TMEM117: variants seen among roughly 807,000 people sequenced by gnomAD.
TMEM117 encodes the protein transmembrane protein 117.
In TMEM117, 27 loss-of-function variants were observed where a neutral mutation model predicts 52.4. That is an observed-to-expected ratio of 0.51 (90% CI 0.38 to 0.71). The LOEUF (loss-of-function observed/expected upper bound fraction) is 0.71. Ranked by LOEUF, TMEM117 falls within the 30% of genes least tolerant of loss-of-function variation. The pLI, the probability that TMEM117 is intolerant of heterozygous loss-of-function variation, is 0.00. For synonymous variants in TMEM117, 215 were observed against 206.3 expected (o/e 1.04, Z -0.36); for missense variants, 556 against 630.5 (o/e 0.88, Z 1.26).
chr12:44,232,043 C>A (rs550791574), intron 5 of TMEM117, among the ~76,000 whole-genome samples: 4 of 151,674 alleles, frequency 2.6e-5, no homozygotes, highest in Admixed American at 6.6e-5. Flanking sequence ...ATGGTTGTTG[C>A]TTAACCTATA....
intron 2 of TMEM117, among the ~76,000 whole-genome samples, chr12:43,878,110 G>T (rs1219585744): frequency 1.3e-5 from 2 of 151,854 alleles, no homozygotes; most frequent in Non-Finnish European, 2.9e-5. Flanking sequence ...GGAAGACAAA[G>T]AAAAAATCAG....
chr12:44,295,554 G>A (rs1282704015), intron 5 of TMEM117, among the ~76,000 whole-genome samples: 1 of 151,744 alleles, frequency 6.6e-6, no homozygotes. Flanking sequence ...CCTCTAACTG[G>A]CTAATTTCAT....
chr12:44,008,516 C>G, intron 3 of TMEM117: 1 of 167,140 alleles, frequency 6.0e-6, no homozygotes. Context: ...AGCGTAAGAT[C>G]TATCCCTCCC....
At chr12:44,353,123 G>A (rs1296899633) in intron 6 of TMEM117, among the ~76,000 whole-genome samples, 3 of 152,052 alleles carry the variant, frequency 2.0e-5, no homozygotes, top group East Asian at 3.9e-4. Flanking sequence ...CATATCCTTT[G>A]CCCACTTTTT....
chr12:44,099,545 C>T (rs1386598258), intron 3 of TMEM117, among the ~76,000 whole-genome samples: 1 of 151,862 alleles, frequency 6.6e-6, no homozygotes, highest in African/African-American at 2.4e-5. Flanking sequence ...GTTTTTCAAA[C>T]TTTTGGTTTA....
Position 44,388,911 on chromosome 12 carries a change from A to G in TMEM117, c.*239A>G, listed in dbSNP as rs979089707. 4.0e-6 allele frequency: 2 copies of G among 496,218 alleles called. No homozygotes were observed. Among genetic ancestry groups the G allele is most frequent in the African/African-American group, 1.9e-5 (1 of 51,970 alleles). The allele number at this position is 496,218 out of a possible 1,614,324, so 30.7% of individuals were successfully genotyped here. ...ATTGCTTTTCACAATTGCACAAGCTATTACTGACTTTACAGCATAGTGGAA... is the reference window on the plus strand; with the variant it reads ...ATTGCTTTTCACAATTGCACAAGCTGTTACTGACTTTACAGCATAGTGGAA... On this transcript the variant is annotated 3_prime_UTR_variant, in exon 8 of 8. Transcript: ENST00000266534.
the TMEM117 span, among the ~76,000 whole-genome samples, chr12:43,798,978 T>A: frequency 5.4e-3 from 822 of 152,178 alleles, 9 homozygotes; most frequent in African/African-American, 0.018. Context: ...ATATCTCTAT[T>A]CAAGTAGAGT....
At chr12:44,002,750 C>T (rs1348574643) in intron 3 of TMEM117, among the ~76,000 whole-genome samples, 2 of 152,180 alleles carry the variant, frequency 1.3e-5, no homozygotes, top group Non-Finnish European at 2.9e-5. Flanking sequence ...CTTCTTCCTT[C>T]TCTACCAGTG....
At chr12:44,037,293 T>A (rs1198682274) in intron 3 of TMEM117, among the ~76,000 whole-genome samples, 1 of 152,164 alleles carries the variant, frequency 6.6e-6, no homozygotes, top group Non-Finnish European at 1.5e-5. Context: ...CTTGACGGCC[T>A]GGGAAGCCCC....
At chr12:44,026,749 C>G (rs1409931667) in intron 3 of TMEM117, among the ~76,000 whole-genome samples, 1 of 152,022 alleles carries the variant, frequency 6.6e-6, no homozygotes, top group African/African-American at 2.4e-5. Context: ...AATGATAGTA[C>G]AAAAACTTTC....
chr12:44,044,097 C>T (rs112279758), intron 3 of TMEM117, among the ~76,000 whole-genome samples: 1 of 152,314 alleles, frequency 6.6e-6, no homozygotes, highest in South Asian at 2.1e-4. Context: ...TCACTTTAAA[C>T]GTACTCATCC....
chr12:43,944,317 A>G lies in TMEM117; in HGVS notation c.385A>G (p.Ile129Val), dbSNP rs202229361. 120 of 1,612,388 alleles carry G rather than the reference A, an allele frequency of 7.4e-5. 3 individuals are homozygous for G. The South Asian group carries it at 1.2e-3, about 16-fold the overall frequency. The change falls in exon 3 of 8, where the codon ATT (isoleucine) becomes GTT (valine). Residue 129 changes from isoleucine (I) to valine (V), a missense_variant. This residue lies in a region of TMEM117 where 328 missense variants were observed against 371.4 expected (regional missense o/e 0.88). Transcript: ENST00000266534. ...CATATTTTCTCACATATACAACACG[A>G]TTCTTCTAATGGATGGGAACATGGG... Reference protein sequence around the residue: ...LFIFSHIYNTILLMDGNMGAY... With the variant: ...LFIFSHIYNTVLLMDGNMGAY...
chr12:44,041,396 G>T (rs1209698287), intron 3 of TMEM117, among the ~76,000 whole-genome samples: 1 of 151,866 alleles, frequency 6.6e-6, no homozygotes, highest in African/African-American at 2.4e-5. Context: ...CAAAGAATCT[G>T]TATCATGCAT....
chr12:43,968,849 T>C (rs1030523784), intron 3 of TMEM117, among the ~76,000 whole-genome samples: 1 of 152,232 alleles, frequency 6.6e-6, no homozygotes, highest in Non-Finnish European at 1.5e-5. Context: ...GTTTCCAGAA[T>C]TGGCAGTTTT....
At chr12:44,108,045 G>C (rs554054280) in intron 3 of TMEM117, among the ~76,000 whole-genome samples, 2 of 152,110 alleles carry the variant, frequency 1.3e-5, no homozygotes, top group South Asian at 4.1e-4. Flanking sequence ...ATACTTTTTA[G>C]TAAAATGAGT....
intron 2 of TMEM117, among the ~76,000 whole-genome samples, chr12:43,903,010 A>G (rs889618664): frequency 2.0e-5 from 3 of 152,158 alleles, no homozygotes; most frequent in Non-Finnish European, 2.9e-5. Context: ...TGAGGTATTG[A>G]TGGAATTTTT....
chr12:44,370,198 CA>C (rs1211012183), intron 6 of TMEM117, among the ~76,000 whole-genome samples: 2 of 152,166 alleles, frequency 1.3e-5, no homozygotes, highest in Non-Finnish European at 2.9e-5. Flanking sequence ...TTCAACCCAA[CA>C]AACATTTTTA....
the TMEM117 span, chr12:43,805,469 AAGTGATCGCG>A: frequency 2.2e-6 from 1 of 448,516 alleles, no homozygotes; most frequent in Admixed American, 2.4e-5. Flanking sequence ...AGAACTCGTT[AAGTGATCGCG>A]AGTAACCCGG....
chr12:43,858,813 T>A (rs12299112), intron 2 of TMEM117, among the ~76,000 whole-genome samples: 15,433 of 152,204 alleles, frequency 0.1, 2,357 homozygotes, highest in African/African-American at 0.33. Flanking sequence ...CTGTTTGAAC[T>A]GTGCTGTTTT....
Sources: allele counts gnomAD v4.1 joint callset (sites outside exome capture counted in the v4.1 genomes callset), GRCh38; gene constraint gnomAD v4.1.1; regional missense constraint gnomAD v4.1.1; transcripts MANE v1.5; gene names NCBI Gene and HGNC (gene_info 2026-07-23, HGNC 2026-07-21).